CDH8: variants seen among roughly 807,000 people sequenced by gnomAD.
The protein encoded by CDH8 is cadherin 8.
Under a neutral mutation model 68.1 loss-of-function variants are expected in CDH8, and 17 were observed. The observed-to-expected ratio is 0.25, with a 90% confidence interval of 0.17 to 0.37. The LOEUF (loss-of-function observed/expected upper bound fraction) is 0.37. Among genes scored for constraint, CDH8 ranks in the 10% least tolerant of loss-of-function variants. CDH8 has a pLI of 1.00. For synonymous variants in CDH8, 372 were observed against 365.1 expected (o/e 1.02, Z -0.21); for missense variants, 763 against 999.3 (o/e 0.76, Z 3.19).
At chr16:61,674,531 A>C (rs1203910423) in intron 10 of CDH8, among the ~76,000 whole-genome samples, 1 of 152,058 alleles carries the variant, frequency 6.6e-6, no homozygotes, top group Non-Finnish European at 1.5e-5. Flanking sequence ...CTCAAGGGGC[A>C]ATAAGAACTA....
At chr16:61,720,306 A>T (rs1959207723) in intron 9 of CDH8, among the ~76,000 whole-genome samples, 1 of 151,006 alleles carries the variant, frequency 6.6e-6, no homozygotes, top group South Asian at 2.1e-4. Context: ...ACCTACAGTC[A>T]ATTTGACTTT....
At chr16:61,797,254 T>C (rs1347643978) in intron 7 of CDH8, among the ~76,000 whole-genome samples, 1 of 152,054 alleles carries the variant, frequency 6.6e-6, no homozygotes, top group Admixed American at 6.6e-5. Context: ...CATCAATCTG[T>C]GACAATATAC....
chr16:61,929,851 C>T (rs540816539), intron 2 of CDH8, among the ~76,000 whole-genome samples: 13 of 152,230 alleles, frequency 8.5e-5, no homozygotes, highest in Admixed American at 8.5e-4. Flanking sequence ...GATCAAGCCA[C>T]TGCACTCCAG....
At chr16:61,757,136 G>T (rs557296676) in intron 8 of CDH8, among the ~76,000 whole-genome samples, 1 of 152,210 alleles carries the variant, frequency 6.6e-6, no homozygotes, top group South Asian at 2.1e-4. Context: ...TTCTTGGTTT[G>T]CAGAGAAAAA....
chr16:61,950,740 G>C (rs1045508304), intron 2 of CDH8, among the ~76,000 whole-genome samples: 1 of 152,078 alleles, frequency 6.6e-6, no homozygotes, highest in African/African-American at 2.4e-5. Context: ...CATGTCTTTT[G>C]TGGGAACATG....
chr16:61,738,349 A>C (rs1959763081), intron 8 of CDH8, among the ~76,000 whole-genome samples: 1 of 152,150 alleles, frequency 6.6e-6, no homozygotes, highest in South Asian at 2.1e-4. Context: ...GAAATAGTGG[A>C]GTTCTGTATA....
chr16:61,998,649 C>A (rs1462363814), intron 2 of CDH8, among the ~76,000 whole-genome samples: 3 of 152,164 alleles, frequency 2.0e-5, no homozygotes, highest in African/African-American at 7.2e-5. Flanking sequence ...TTTGGCATTA[C>A]TGAGAATGCT....
At chr16:61,950,705 T>C (rs1316555409) in intron 2 of CDH8, among the ~76,000 whole-genome samples, 2 of 152,178 alleles carry the variant, frequency 1.3e-5, no homozygotes, top group Non-Finnish European at 2.9e-5. Flanking sequence ...ATATTCACTA[T>C]ACAGCCATAA....
chr16:61,818,842 T>A (rs1962143111), intron 6 of CDH8, among the ~76,000 whole-genome samples: 1 of 151,964 alleles, frequency 6.6e-6, no homozygotes, highest in African/African-American at 2.4e-5. Context: ...GTGAACTCTT[T>A]CAGAATTCCA....
intron 7 of CDH8, among the ~76,000 whole-genome samples, chr16:61,800,625 T>C (rs1444949304): frequency 2.6e-5 from 4 of 152,182 alleles, no homozygotes; most frequent in African/African-American, 9.7e-5. Context: ...ACTTGATTTG[T>C]CCCCTATTGC....
At chr16:61,694,458 T>C (rs559142679) in intron 10 of CDH8, among the ~76,000 whole-genome samples, 33 of 152,238 alleles carry the variant, frequency 2.2e-4, no homozygotes, top group African/African-American at 7.2e-4. Flanking sequence ...AGTTTAGTCA[T>C]ATTGGGGTGA....
At chr16:61,867,712 T>C (rs1963282974) in intron 3 of CDH8, among the ~76,000 whole-genome samples, 1 of 152,146 alleles carries the variant, frequency 6.6e-6, no homozygotes, top group South Asian at 2.1e-4. Context: ...TACCCACTAC[T>C]CACTCCATTT....
At chr16:61,955,911 G>A (rs1164767592) in intron 2 of CDH8, among the ~76,000 whole-genome samples, 1 of 152,122 alleles carries the variant, frequency 6.6e-6, no homozygotes, top group Non-Finnish European at 1.5e-5. Context: ...GTTGCCATCT[G>A]AGAGTACAAT....
At chr16:61,665,886 C>G (rs1963666704) in intron 10 of CDH8, among the ~76,000 whole-genome samples, 1 of 134,774 alleles carries the variant, frequency 7.4e-6, no homozygotes, top group African/African-American at 2.7e-5. Context: ...TCTTTTATTT[C>G]TTTCAGTTAT....
At chr16:61,822,205 C>CCTTTTTTTTTTTTTTTT (rs1962230457) in intron 5 of CDH8, among the ~76,000 whole-genome samples, 1 of 45,630 alleles carries the variant, frequency 2.2e-5, no homozygotes, top group African/African-American at 1.1e-4. Flanking sequence ...AAAAACGCAC[C>CCTTTTTTTTTTTTTTTT]TTTTTTTTTT....
chr16:61,976,403 G>T (rs150015607), intron 2 of CDH8, among the ~76,000 whole-genome samples: 1 of 151,810 alleles, frequency 6.6e-6, no homozygotes, highest in African/African-American at 2.4e-5. Context: ...TCTCTTTCTC[G>T]ACTGTTCAGT....
intron 9 of CDH8, among the ~76,000 whole-genome samples, chr16:61,715,958 A>C (rs2142872352): frequency 6.6e-6 from 1 of 151,802 alleles, no homozygotes; most frequent in Non-Finnish European, 1.5e-5. Context: ...AGGCAATTAT[A>C]AAGAAGACAG....
chr16:61,978,960 T>C (rs1253539845), intron 2 of CDH8, among the ~76,000 whole-genome samples: 2 of 138,900 alleles, frequency 1.4e-5, no homozygotes, highest in Admixed American at 7.8e-5. Flanking sequence ...CAAATATTTA[T>C]TCACAAAATG....
chr16:61,871,052 T>C (rs1187936061), intron 3 of CDH8, among the ~76,000 whole-genome samples: 1 of 152,120 alleles, frequency 6.6e-6, no homozygotes, highest in Non-Finnish European at 1.5e-5. Flanking sequence ...ATCTATTCAA[T>C]TACTGATGTG....
Sources: gnomAD v4.1 joint callset for allele counts (sites outside exome capture counted in the v4.1 genomes callset) on GRCh38, gnomAD v4.1.1 for gene constraint, MANE v1.5 for transcripts, NCBI Gene and HGNC (gene_info 2026-07-23, HGNC 2026-07-21) for gene names.